Variants in RUNX2 observed in about 807,000 individuals in gnomAD.
The protein encoded by RUNX2 is runt-related transcription factor 2.
In RUNX2, 10 loss-of-function variants were observed where a neutral mutation model predicts 51.7. The observed-to-expected ratio is 0.19, with a 90% CI of 0.12 to 0.33. The LOEUF is 0.33. Ranked by LOEUF, RUNX2 falls within the 10% of genes least tolerant of loss-of-function variation. RUNX2 has a pLI of 1.00. For synonymous variants in RUNX2, 276 were observed against 273.6 expected (o/e 1.01, Z -0.09); for missense variants, 562 against 691.3 (o/e 0.81, Z 2.10).
intron 2 of RUNX2, among the ~76,000 whole-genome samples, chr6:45,343,311 GC>G: frequency 6.6e-6 from 1 of 152,160 alleles, no homozygotes; most frequent in African/African-American, 2.4e-5. Flanking sequence ...GACCATCCTG[GC>G]CAACATGGTG....
chr6:45,350,241 T>C (rs1484102937), intron 2 of RUNX2, among the ~76,000 whole-genome samples: 1 of 152,172 alleles, frequency 6.6e-6, no homozygotes, highest in Non-Finnish European at 1.5e-5. Context: ...TGGTGCATAG[T>C]ACACAGTAGG....
At chr6:45,406,501 G>A (rs1244362773) in intron 2 of RUNX2, among the ~76,000 whole-genome samples, 1 of 152,152 alleles carries the variant, frequency 6.6e-6, no homozygotes, top group Non-Finnish European at 1.5e-5. Flanking sequence ...TGCAACCTCT[G>A]CCTCCCAGGT....
chr6:45,498,511 C>T (rs910976717), intron 6 of RUNX2, among the ~76,000 whole-genome samples: 20 of 152,088 alleles, frequency 1.3e-4, no homozygotes, highest in Non-Finnish European at 2.4e-4. Context: ...TTTTCATGAA[C>T]GGGAGTTAGC....
intron 3 of RUNX2, among the ~76,000 whole-genome samples, chr6:45,424,640 C>A (rs1391657214): frequency 1.3e-5 from 2 of 152,088 alleles, no homozygotes; most frequent in Non-Finnish European, 2.9e-5. Context: ...TTGTTGATCA[C>A]CCCCACCCCA....
chr6:45,461,607 T>C (rs1799478082), intron 5 of RUNX2, among the ~76,000 whole-genome samples: 2 of 152,182 alleles, frequency 1.3e-5, no homozygotes, highest in South Asian at 4.1e-4. Context: ...TCGACAAGAA[T>C]ATTAAGCACC....
rs572300114 is a variant in RUNX2, at chr6:45,532,931, T to A, written c.1022-12286T>A. ...TTTTTTTTTTTTTTTTTTTTCACGG[T>A]CATCAAAACAAGTAGCTCCTCTCAG... On this transcript the variant is annotated intron_variant, in intron 7 of 8. Coordinates refer to ENST00000647337, the MANE Select transcript of RUNX2 (RefSeq NM_001024630.4). Among the ~76,000 whole-genome samples, 291 of 134,276 alleles carry A rather than the reference T, an allele frequency of 2.2e-3. 1 individual carries two copies. The highest frequency in any genetic ancestry group is 4.1e-3 in the Middle Eastern group (1 of 242). The allele number at this position is 134,276 out of a possible 152,430, so 88.1% of individuals were successfully genotyped here. A position where few individuals can be genotyped will look rare whatever the true frequency, so the allele number is the denominator to read the frequency against.
At chr6:45,506,201 G>A (rs927377675) in intron 6 of RUNX2, among the ~76,000 whole-genome samples, 13 of 152,238 alleles carry the variant, frequency 8.5e-5, no homozygotes, top group East Asian at 5.8e-4. Flanking sequence ...CTCAGGGCCC[G>A]CAGGAGCAGC....
At chr6:45,434,313 C>T (rs544054684) in intron 4 of RUNX2, among the ~76,000 whole-genome samples, 28 of 152,302 alleles carry the variant, frequency 1.8e-4, no homozygotes, top group African/African-American at 5.1e-4. Flanking sequence ...TTGATTTTCA[C>T]ACTTCTACAT....
chr6:45,361,529 A>G (rs1328924672), intron 2 of RUNX2: 2 of 152,214 alleles, frequency 1.3e-5, no homozygotes, highest in Non-Finnish European at 2.9e-5. Context: ...GTTTGTTAAA[A>G]TACCTGTAAT....
chr6:45,368,251 A>G (rs1363689181), intron 2 of RUNX2, among the ~76,000 whole-genome samples: 1 of 152,204 alleles, frequency 6.6e-6, no homozygotes, highest in Admixed American at 6.5e-5. Context: ...GCCAGAGTTT[A>G]AATGTGAACC....
chr6:45,516,515 A>G (rs1801326784), intron 7 of RUNX2, among the ~76,000 whole-genome samples: 1 of 152,242 alleles, frequency 6.6e-6, no homozygotes, highest in Admixed American at 6.5e-5. Flanking sequence ...ATTGATACAT[A>G]TGGCCTCATC....
chr6:45,483,547 T>C (rs1015541265), intron 5 of RUNX2, among the ~76,000 whole-genome samples: 3 of 152,276 alleles, frequency 2.0e-5, no homozygotes, highest in Middle Eastern at 3.4e-3. Flanking sequence ...AAATCTAAAA[T>C]ATTAGGGTTT....
intron 2 of RUNX2, among the ~76,000 whole-genome samples, chr6:45,367,246 C>T (rs1186486768): frequency 1.3e-5 from 2 of 152,094 alleles, no homozygotes; most frequent in Non-Finnish European, 2.9e-5. Context: ...ACCAAGAAGG[C>T]AAGAGCACAA....
At chr6:45,524,820 G>T (rs984625502) in intron 7 of RUNX2, among the ~76,000 whole-genome samples, 3 of 152,182 alleles carry the variant, frequency 2.0e-5, no homozygotes, top group African/African-American at 7.2e-5. Flanking sequence ...GTGGCTTAAA[G>T]ATATGGTAGA....
chr6:45,342,256 A>G (rs1396420174), intron 2 of RUNX2, among the ~76,000 whole-genome samples: 1 of 152,078 alleles, frequency 6.6e-6, no homozygotes, highest in Non-Finnish European at 1.5e-5. Flanking sequence ...TAAGTTATAT[A>G]TAACACAATC....
At chr6:45,541,466 T>G (rs575798695) in intron 7 of RUNX2, among the ~76,000 whole-genome samples, 4 of 152,326 alleles carry the variant, frequency 2.6e-5, no homozygotes, top group South Asian at 4.1e-4. Context: ...CACATAGGTC[T>G]TGTGTATTAC....
At chr6:45,351,957 TTC>T (rs1581813364) in intron 2 of RUNX2, among the ~76,000 whole-genome samples, 1 of 152,092 alleles carries the variant, frequency 6.6e-6, no homozygotes, top group Non-Finnish European at 1.5e-5. Flanking sequence ...CTAATTAGCT[TTC>T]TGTCCCTAAT....
intron 7 of RUNX2, among the ~76,000 whole-genome samples, chr6:45,519,929 G>A (rs529515934): frequency 2.6e-5 from 4 of 151,550 alleles, no homozygotes; most frequent in Non-Finnish European, 4.4e-5. Context: ...CCAGATTCAA[G>A]CAATTCTCTT....
chr6:45,369,338 T>A (rs908735104), intron 2 of RUNX2, among the ~76,000 whole-genome samples: 1 of 152,110 alleles, frequency 6.6e-6, no homozygotes, highest in African/African-American at 2.4e-5. Context: ...CCTAAGCCCA[T>A]CTCCAAGAAA....
Sources: gnomAD v4.1 joint callset for allele counts (sites outside exome capture counted in the v4.1 genomes callset) on GRCh38, gnomAD v4.1.1 for gene constraint, MANE v1.5 for transcripts, NCBI Gene and HGNC (gene_info 2026-07-23, HGNC 2026-07-21) for gene names.